The following TIPARP variants were observed in gnomAD, a reference collection of about 807,000 sequenced individuals.
TIPARP encodes TCDD inducible poly(ADP-ribose) polymerase.
In TIPARP, 12 loss-of-function variants were observed where a neutral mutation model predicts 56.5. That is an observed-to-expected ratio of 0.21 (90% CI 0.14 to 0.34). The LOEUF is 0.34. TIPARP is among the 10% of genes least tolerant of loss of function. TIPARP has a pLI of 1.00. For missense variants in TIPARP, 604 were observed against 781.6 expected, an observed-to-expected ratio of 0.77 and a Z score of 2.71; for synonymous variants, 296 against 265.7, an observed-to-expected ratio of 1.11 and a Z score of -1.11.
intron 2 of TIPARP, among the ~76,000 whole-genome samples, chr3:156,680,505 C>T (rs1722267346): frequency 6.6e-6 from 1 of 152,184 alleles, no homozygotes; most frequent in South Asian, 2.1e-4. Context: ...GCGGCTCCCA[C>T]TTCACCTTCA....
At chr3:156,703,353 T>C (rs954884818) in intron 4 of TIPARP, 71 bp from the exon 5 acceptor site, 258 of 1,469,384 alleles carry the variant, frequency 1.8e-4, no homozygotes, top group Non-Finnish European at 2.2e-4. Flanking sequence ...GACACTGATA[T>C]AGATCACTAT....
At chr3:156,687,609 TAGTATC>T (rs1178228666) in intron 2 of TIPARP, among the ~76,000 whole-genome samples, 5 of 152,200 alleles carry the variant, frequency 3.3e-5, no homozygotes, top group Non-Finnish European at 4.4e-5. Flanking sequence ...GGCTATGTCT[TAGTATC>T]AGTGTGTTTT....
At chr3:156,682,270 T>C (rs927051907) in intron 2 of TIPARP, among the ~76,000 whole-genome samples, 12 of 152,086 alleles carry the variant, frequency 7.9e-5, no homozygotes, top group African/African-American at 2.9e-4. Context: ...AGAGTGGAGG[T>C]GAAGAGGAAG....
At chr3:156,696,256 A>G (rs1722712518) in intron 4 of TIPARP, among the ~76,000 whole-genome samples, 1 of 152,042 alleles carries the variant, frequency 6.6e-6, no homozygotes, top group Admixed American at 6.6e-5. Context: ...TAGAGTTAAC[A>G]TTTTTCCACA....
chr3:156,683,206 G>A (rs1284845573), intron 2 of TIPARP, among the ~76,000 whole-genome samples: 1 of 152,098 alleles, frequency 6.6e-6, no homozygotes, highest in Non-Finnish European at 1.5e-5. Context: ...GAAATAGCTT[G>A]TAAGGTTATG....
rs1722069699 is a variant in TIPARP at position 156,674,792 on chromosome 3, T to A, written c.-46T>A. 1 of 152,276 alleles carries A rather than the reference T, an allele frequency of 6.6e-6. No homozygotes were observed. Among genetic ancestry groups the A allele is most frequent in the Admixed American group, 6.5e-5 (1 of 15,286 alleles). The allele number at this position is 152,276 out of a possible 1,614,324, so 9.4% of individuals were successfully genotyped here. A position where few individuals can be genotyped will look rare whatever the true frequency, so the allele number is the denominator to read the frequency against. ...TGTCGTCCGTTCTCTCAGGCTCCCGTTCAGGTAAAGGGCTCCGGGAGGGCA... is the reference window on the plus strand; with the variant it reads ...TGTCGTCCGTTCTCTCAGGCTCCCGATCAGGTAAAGGGCTCCGGGAGGGCA... On this transcript the variant is annotated 5_prime_UTR_variant, in exon 1 of 6. Transcript: ENST00000295924.
intron 4 of TIPARP, among the ~76,000 whole-genome samples, chr3:156,701,587 T>A (rs1410081236): frequency 6.6e-6 from 1 of 152,170 alleles, no homozygotes; most frequent in Non-Finnish European, 1.5e-5. Flanking sequence ...TCCAGATTAG[T>A]GATGGCTTTT....
chr3:156,678,713 GT>G, intron 2 of TIPARP, 99 bp downstream of exon 2: 2 of 1,083,364 alleles, frequency 1.8e-6, no homozygotes. Context: ...GTAGTAACAG[GT>G]TTTCTTTTTT....
chr3:156,691,574 A>G (rs1326583890), intron 2 of TIPARP, among the ~76,000 whole-genome samples: 1 of 152,144 alleles, frequency 6.6e-6, no homozygotes, highest in Non-Finnish European at 1.5e-5. Context: ...GATAATAGGA[A>G]GCAATAGTTT....
chr3:156,696,297 C>T (rs1326672827), intron 4 of TIPARP, among the ~76,000 whole-genome samples: 1 of 152,120 alleles, frequency 6.6e-6, no homozygotes, highest in Non-Finnish European at 1.5e-5. Context: ...GAATGAGTCA[C>T]AGAACTTGCA....
chr3:156,701,339 G>A (rs1375758885), intron 4 of TIPARP, among the ~76,000 whole-genome samples: 4 of 152,210 alleles, frequency 2.6e-5, no homozygotes, highest in African/African-American at 9.6e-5. Flanking sequence ...AATCTCTTCT[G>A]TTGTCACGGC....
At chr3:156,692,101 C>T (rs1431047276) in intron 2 of TIPARP, among the ~76,000 whole-genome samples, 2 of 152,120 alleles carry the variant, frequency 1.3e-5, no homozygotes, top group African/African-American at 4.8e-5. Flanking sequence ...GACTGCTGTT[C>T]TAAGAACTCC....
chr3:156,704,317 C>T (rs1322656732), intron 5 of TIPARP, among the ~76,000 whole-genome samples: 1 of 152,094 alleles, frequency 6.6e-6, no homozygotes, highest in Non-Finnish European at 1.5e-5. Flanking sequence ...TACTGTGGTG[C>T]CTCTCAAGTC....
intron 2 of TIPARP, among the ~76,000 whole-genome samples, chr3:156,686,607 C>G (rs1204422217): frequency 6.6e-6 from 1 of 152,074 alleles, no homozygotes; most frequent in African/African-American, 2.4e-5. Context: ...TCAGTTAGTT[C>G]ATCTGGACTA....
chr3:156,705,168 C>A lies in TIPARP; in HGVS notation c.*37C>A. ...ACTGCTAAATTATTTGATATGAACT[C>A]AATCCAGCATTTGTAGCAGGTTTTG... On this transcript the variant is annotated 3_prime_UTR_variant, in exon 6 of 6. Coordinates refer to ENST00000295924, the MANE Select transcript of TIPARP (RefSeq NM_015508.5). The A allele has an allele frequency of 4.0e-6, 3 of 748,284 alleles. No individual in the cohort carries two copies. The highest frequency in any genetic ancestry group is 6.0e-6 in the Non-Finnish European group (3 of 496,246). The allele number at this position is 748,284 out of a possible 1,614,324, so 46.4% of individuals were successfully genotyped here.
intron 1 of TIPARP, chr3:156,676,727 G>T (rs1223829132): frequency 6.6e-6 from 1 of 152,038 alleles, no homozygotes; most frequent in Non-Finnish European, 1.5e-5. Context: ...TTTTTTCAAG[G>T]GGTCTGATTC....
chr3:156,685,995 C>G (rs1335389147), intron 2 of TIPARP, among the ~76,000 whole-genome samples: 1 of 152,194 alleles, frequency 6.6e-6, no homozygotes, highest in Non-Finnish European at 1.5e-5. Flanking sequence ...TGGCTTAGCT[C>G]TTTCATTACC....
intron 2 of TIPARP, among the ~76,000 whole-genome samples, chr3:156,685,458 T>A (rs528545672): frequency 3.3e-5 from 5 of 152,296 alleles, no homozygotes; most frequent in African/African-American, 4.8e-5. Context: ...CCACAAAAAG[T>A]TGTGTAAGGA....
rs1156876422 is a variant in TIPARP, at chr3:156,678,619, GTATT to G, written c.917+9_917+12del. On this transcript the variant is annotated splice_donor_region_variant and intron_variant, in intron 2 of 5. Coordinates refer to ENST00000295924, the MANE Select transcript of TIPARP (RefSeq NM_015508.5). Reference sequence around the variant, plus strand: ...TAGAATGAGAATGAAGTATGGGTATGTATTTATAACAACTTGTAGAACTGTTGTT... The same window carrying G: ...TAGAATGAGAATGAAGTATGGGTATGTATAACAACTTGTAGAACTGTTGTT... 6 of 1,606,958 alleles carry G rather than the reference GTATT, an allele frequency of 3.7e-6. No homozygotes were observed. The South Asian group carries it at 5.6e-5, about 15-fold the overall frequency.
Sources: gnomAD v4.1 joint callset for allele counts (sites outside exome capture counted in the v4.1 genomes callset) on GRCh38, gnomAD v4.1.1 for gene constraint, MANE v1.5 for transcripts, NCBI Gene and HGNC (gene_info 2026-07-23, HGNC 2026-07-21) for gene names.